Variants in MARCHF1 observed in about 807,000 individuals in gnomAD.
MARCHF1 encodes E3 ubiquitin-protein ligase MARCHF1.
In MARCHF1, 40 loss-of-function variants were observed where a neutral mutation model predicts 54.2. The observed-to-expected ratio is 0.74, with a 90% CI of 0.57 to 0.96. The LOEUF is 0.96. MARCHF1 is among the 40% of genes least tolerant of loss of function. The pLI, the probability that MARCHF1 is intolerant of heterozygous loss-of-function variation, is 0.00. For missense variants in MARCHF1, 586 were observed against 656.5 expected, an observed-to-expected ratio of 0.89 and a Z score of 1.17; for synonymous variants, 236 against 236.3, an observed-to-expected ratio of 1.00 and a Z score of 0.01.
At chr4:163,868,093 G>C (rs895227842) in intron 3 of MARCHF1, among the ~76,000 whole-genome samples, 2 of 151,924 alleles carry the variant, frequency 1.3e-5, no homozygotes, top group Non-Finnish European at 2.9e-5. Context: ...CACCTGCTCT[G>C]AGAGTACTCC....
chr4:163,768,959 C>T lies in MARCHF1; in HGVS notation c.112-68096G>A, dbSNP rs868306071. Among the ~76,000 whole-genome samples the T allele has an allele frequency of 3.3e-5, 5 of 152,010 alleles. No individual in the cohort carries two copies. In the South Asian group the frequency reaches 1.0e-3, roughly 32 times the overall value. On this transcript the variant is annotated intron_variant, in intron 4 of 9. Coordinates refer to ENST00000514618, the MANE Select transcript of MARCHF1 (RefSeq NM_001394959.1). ...GGACTTCCTGGTGGCTACAATAATG[C>T]CGAAAATATTTAATATGAAGCCTTT...
intron 1 of MARCHF1, among the ~76,000 whole-genome samples, chr4:164,206,933 C>T (rs951553738): frequency 2.6e-5 from 4 of 151,688 alleles, no homozygotes; most frequent in Non-Finnish European, 5.9e-5. Context: ...TATGATAATA[C>T]TAAAAAAATT....
intron 3 of MARCHF1, among the ~76,000 whole-genome samples, chr4:163,883,872 G>A (rs548233591): frequency 6.6e-6 from 1 of 152,180 alleles, no homozygotes; most frequent in African/African-American, 2.4e-5. Flanking sequence ...TCAAAGCTAA[G>A]GGCATTCAAT....
At chr4:164,244,358 C>T (rs1247732838) in intron 1 of MARCHF1, among the ~76,000 whole-genome samples, 5 of 152,222 alleles carry the variant, frequency 3.3e-5, no homozygotes, top group African/African-American at 7.2e-5. Flanking sequence ...TGAATGACTA[C>T]TGGGTACATA....
chr4:163,546,382 A>G (rs531956261), intron 8 of MARCHF1, among the ~76,000 whole-genome samples: 6 of 152,230 alleles, frequency 3.9e-5, no homozygotes, highest in Non-Finnish European at 8.8e-5. Flanking sequence ...CCTCATCTGT[A>G]CCAAGAATGA....
chr4:164,316,654 T>TA (rs1341944768), intron 1 of MARCHF1, among the ~76,000 whole-genome samples: 1 of 152,156 alleles, frequency 6.6e-6, no homozygotes, highest in Admixed American at 6.5e-5. Flanking sequence ...TATTTTTGTT[T>TA]AAAAAATACT....
intron 4 of MARCHF1, among the ~76,000 whole-genome samples, chr4:163,760,018 C>A (rs1161232963): frequency 6.6e-6 from 1 of 152,196 alleles, no homozygotes; most frequent in Non-Finnish European, 1.5e-5. Context: ...TCCTACAGTT[C>A]TGGAGGTGGA....
At chr4:163,552,385 C>T (rs1106092) in intron 8 of MARCHF1, among the ~76,000 whole-genome samples, 109,747 of 152,066 alleles carry the variant, frequency 0.72, 39,968 homozygotes, top group East Asian at 0.9. Context: ...GGTTTAGAAT[C>T]GGGGGAAGTA....
intron 3 of MARCHF1, among the ~76,000 whole-genome samples, chr4:163,893,297 C>T (rs1750704444): frequency 1.3e-5 from 2 of 152,048 alleles, no homozygotes; most frequent in Admixed American, 6.6e-5. Flanking sequence ...TGCCACCACA[C>T]CTGGCTAATT....
At chr4:164,244,744 A>T (rs1732885964) in intron 1 of MARCHF1, among the ~76,000 whole-genome samples, 1 of 152,132 alleles carries the variant, frequency 6.6e-6, no homozygotes, top group South Asian at 2.1e-4. Flanking sequence ...GAGAAGAATC[A>T]AATAGATGCA....
chr4:164,116,995 C>T (rs540328667), intron 1 of MARCHF1, among the ~76,000 whole-genome samples: 4 of 152,166 alleles, frequency 2.6e-5, no homozygotes, highest in South Asian at 2.1e-4. Flanking sequence ...TGCTGACTCA[C>T]GCCTGTAATG....
intron 4 of MARCHF1, among the ~76,000 whole-genome samples, chr4:163,808,072 A>G (rs113605492): frequency 3.9e-5 from 6 of 152,264 alleles, no homozygotes; most frequent in African/African-American, 1.4e-4. Flanking sequence ...CTGTTGTGCT[A>G]TTTTGTGACA....
intron 8 of MARCHF1, among the ~76,000 whole-genome samples, chr4:163,550,509 T>C (rs1303491152): frequency 3.1e-3 from 35 of 11,140 alleles, no homozygotes; most frequent in African/African-American, 8.5e-3. Context: ...CGGTAGCCCT[T>C]TTTTTTTTTT....
rs1333096239 is a variant in MARCHF1 at position 163,695,376 on chromosome 4, CA to C, written c.162+5436del. Among the ~76,000 whole-genome samples, 8 of 152,102 alleles carry C rather than the reference CA, an allele frequency of 5.3e-5. No individual in the cohort carries two copies. In the South Asian group the frequency reaches 6.2e-4, roughly 12 times the overall value. Reference sequence around the variant, plus strand: ...GAATACCTTGTACACAGTACGTCATCAAAAAATATTTGTTGAGTAAATTGTA... The same window carrying C: ...GAATACCTTGTACACAGTACGTCATCAAAAATATTTGTTGAGTAAATTGTA... On this transcript the variant is annotated intron_variant, in intron 5 of 9. Coordinates refer to ENST00000514618, the MANE Select transcript of MARCHF1 (RefSeq NM_001394959.1).
At chr4:163,844,548 A>AT (rs1042577476) in intron 4 of MARCHF1, among the ~76,000 whole-genome samples, 1 of 152,180 alleles carries the variant, frequency 6.6e-6, no homozygotes, top group African/African-American at 2.4e-5. Context: ...TTTAAAAAAA[A>AT]CCAAACTGCA....
In MARCHF1 at chr4:163,527,974, G is replaced by A. The variant is rs1431376454; in HGVS notation, c.*774C>T. The A allele has an allele frequency of 1.3e-5, 2 of 152,478 alleles. No individual in the cohort carries two copies. Among genetic ancestry groups the A allele is most frequent in the Non-Finnish European group, 2.9e-5 (2 of 67,970 alleles). The allele number at this position is 152,478 out of a possible 1,614,324, so 9.4% of individuals were successfully genotyped here. A position where few individuals can be genotyped will look rare whatever the true frequency, so the allele number is the denominator to read the frequency against. On this transcript the variant is annotated 3_prime_UTR_variant, in exon 10 of 10. Coordinates refer to ENST00000514618, the MANE Select transcript of MARCHF1 (RefSeq NM_001394959.1). Reference sequence around the variant, plus strand: ...ATATTTGCATCTGTGGCCTGCATTTGTGGCTGTTGTGTTTCTATTGGACAG... The same window carrying A: ...ATATTTGCATCTGTGGCCTGCATTTATGGCTGTTGTGTTTCTATTGGACAG...
chr4:164,101,170 G>A lies in MARCHF1; in HGVS notation c.-248+10418C>T, dbSNP rs190662514. 2.0e-3 allele frequency among the ~76,000 whole-genome samples: 308 copies of A among 152,310 alleles called. 1 individual carries two copies. The highest frequency in any genetic ancestry group is 0.014 in the Middle Eastern group (4 of 294). ...CAGTCTGAGATCAAACTGCAAGGCA[G>A]CAGCGAGGCCGGGGGAGGGGCACCC... On this transcript the variant is annotated intron_variant, in intron 2 of 9. Transcript: ENST00000514618.
chr4:164,307,896 G>A (rs551121966), intron 1 of MARCHF1, among the ~76,000 whole-genome samples: 1 of 152,266 alleles, frequency 6.6e-6, no homozygotes, highest in Non-Finnish European at 1.5e-5. Flanking sequence ...TGAGCTTAAT[G>A]TTTAAGTGTT....
At chr4:164,191,793 C>T (rs957443770) in intron 1 of MARCHF1, among the ~76,000 whole-genome samples, 7 of 152,200 alleles carry the variant, frequency 4.6e-5, no homozygotes, top group Non-Finnish European at 8.8e-5. Context: ...GAAATCTCTA[C>T]AATCACACTT....
Sources: allele counts gnomAD v4.1 joint callset (sites outside exome capture counted in the v4.1 genomes callset), GRCh38; gene constraint gnomAD v4.1.1; transcripts MANE v1.5; gene names NCBI Gene and HGNC (gene_info 2026-07-23, HGNC 2026-07-21).